PNLIPRP3: variants seen among roughly 807,000 people sequenced by gnomAD.
The protein encoded by PNLIPRP3 is pancreatic lipase-related protein 3.
PNLIPRP3 carries 58 observed loss-of-function variants against 52.8 expected under a neutral mutation model. That is an observed-to-expected ratio of 1.10 (90% CI 0.89 to 1.37). The LOEUF is 1.37. Among genes scored for constraint, PNLIPRP3 ranks in the 40% most tolerant of loss-of-function variants. The probability of loss-of-function intolerance (pLI) is 0.00; values close to 1 mark genes in which losing one functional copy is unlikely to be tolerated. For missense variants in PNLIPRP3, 593 were observed against 561.6 expected (o/e 1.06, Z -0.57); for synonymous variants, 192 against 185.0 (o/e 1.04, Z -0.31).
chr10:116,429,205 A>G (rs1845676433), intron 1 of PNLIPRP3, among the ~76,000 whole-genome samples: 1 of 152,196 alleles, frequency 6.6e-6, no homozygotes, highest in South Asian at 2.1e-4. Flanking sequence ...AATTATTAAA[A>G]TACTGTATAA....
chr10:116,472,654 G>C (rs556346495), intron 10 of PNLIPRP3, among the ~76,000 whole-genome samples: 3 of 152,300 alleles, frequency 2.0e-5, no homozygotes, highest in Non-Finnish European at 4.4e-5. Context: ...AGTTTCTGCA[G>C]GTCATCTTGC....
At chr10:116,459,969 T>C (rs902511569) in intron 5 of PNLIPRP3, among the ~76,000 whole-genome samples, 1 of 152,150 alleles carries the variant, frequency 6.6e-6, no homozygotes, top group Non-Finnish European at 1.5e-5. Flanking sequence ...GGTTTCACCA[T>C]CTTGGCCTGG....
At chr10:116,457,267 G>A (rs906748218) in intron 5 of PNLIPRP3, among the ~76,000 whole-genome samples, 2 of 152,080 alleles carry the variant, frequency 1.3e-5, no homozygotes, top group African/African-American at 2.4e-5. Flanking sequence ...TTAACAGAAA[G>A]CCTCCTTACT....
At chr10:116,434,948 A>G (rs2133110768) in intron 1 of PNLIPRP3, among the ~76,000 whole-genome samples, 2 of 152,346 alleles carry the variant, frequency 1.3e-5, no homozygotes, top group Admixed American at 1.3e-4. Flanking sequence ...AGGAAAACAC[A>G]AACAGTACAA....
intron 1 of PNLIPRP3, among the ~76,000 whole-genome samples, chr10:116,431,694 C>G (rs1291912807): frequency 6.6e-6 from 1 of 152,080 alleles, no homozygotes; most frequent in African/African-American, 2.4e-5. Flanking sequence ...AATGAACAAG[C>G]CCAAAAGCAA....
intron 10 of PNLIPRP3, among the ~76,000 whole-genome samples, chr10:116,472,938 A>C (rs969785273): frequency 6.6e-6 from 1 of 152,184 alleles, no homozygotes; most frequent in Admixed American, 6.5e-5. Flanking sequence ...GGCTCCATCA[A>C]GCCTCCCTCT....
rs1486406334 is a variant in PNLIPRP3 at position 116,477,877 on chromosome 10, T to C, written c.*724T>C. Reference sequence around the variant, plus strand: ...TTGAATGCTCTATGGTGAATTTGTATTTAGCCTCAAGGCAGCATTTCATTT... The same window carrying C: ...TTGAATGCTCTATGGTGAATTTGTACTTAGCCTCAAGGCAGCATTTCATTT... On this transcript the variant is annotated 3_prime_UTR_variant, in exon 12 of 12. Coordinates refer to ENST00000369230, the MANE Select transcript of PNLIPRP3 (RefSeq NM_001011709.3). The C allele has an allele frequency of 6.6e-6, 1 of 152,206 alleles. No homozygotes were observed. The highest frequency in any genetic ancestry group is 1.5e-5 in the Non-Finnish European group (1 of 68,048). The allele number at this position is 152,206 out of a possible 1,614,324, so 9.4% of individuals were successfully genotyped here. A position where few individuals can be genotyped will look rare whatever the true frequency, so the allele number is the denominator to read the frequency against.
rs1282281600 is a variant in PNLIPRP3 at position 116,465,191 on chromosome 10, G to T, written c.809-859G>T. Among the ~76,000 whole-genome samples, 40 of 152,170 alleles carry T rather than the reference G, an allele frequency of 2.6e-4. 1 individual carries two copies. Among genetic ancestry groups the T allele is most frequent in the Admixed American group, 2.6e-3 (40 of 15,282 alleles). On this transcript the variant is annotated intron_variant, in intron 7 of 11. Coordinates refer to ENST00000369230, the MANE Select transcript of PNLIPRP3 (RefSeq NM_001011709.3). ...TCTGGGCTTTTTATAGGCTCAGAAT[G>T]AGGGAGGTGTTGGCTGTAGGTAGCC... is the stretch of plus-strand genomic sequence containing the variant.
intron 9 of PNLIPRP3, 68 bp from the exon 10 acceptor site, chr10:116,471,700 A>G: frequency 8.5e-7 from 1 of 1,176,544 alleles, no homozygotes; most frequent in South Asian, 1.2e-5. Flanking sequence ...TAAAGGATCC[A>G]GGAAGTCATA....
intron 10 of PNLIPRP3, among the ~76,000 whole-genome samples, chr10:116,475,521 T>C (rs1414527236): frequency 1.3e-5 from 2 of 152,222 alleles, no homozygotes; most frequent in Non-Finnish European, 2.9e-5. Flanking sequence ...AAGATAGTTC[T>C]TGGAATAACA....
intron 4 of PNLIPRP3, among the ~76,000 whole-genome samples, chr10:116,446,670 A>G (rs1400626330): frequency 6.6e-6 from 1 of 152,220 alleles, no homozygotes; most frequent in Non-Finnish European, 1.5e-5. Context: ...TCTTTCTCTG[A>G]CAAGCACACT....
At chr10:116,472,955 A>G (rs1277881425) in intron 10 of PNLIPRP3, among the ~76,000 whole-genome samples, 1 of 152,226 alleles carries the variant, frequency 6.6e-6, no homozygotes. Context: ...CTCTGAGAGC[A>G]GTTCAGCATA....
At chr10:116,436,384 A>G (rs896507515) in intron 1 of PNLIPRP3, among the ~76,000 whole-genome samples, 1 of 152,216 alleles carries the variant, frequency 6.6e-6, no homozygotes, top group Non-Finnish European at 1.5e-5. Context: ...TTGAAATTAT[A>G]AAACTCCTAT....
intron 4 of PNLIPRP3, 64 bp from the exon 5 acceptor site, chr10:116,455,656 TAA>T: frequency 8.5e-7 from 1 of 1,181,244 alleles, no homozygotes; most frequent in Non-Finnish European, 1.2e-6. Context: ...TTTCTATTTT[TAA>T]AGCATATTTA....
At chr10:116,459,317 G>A (rs1288292226) in intron 5 of PNLIPRP3, among the ~76,000 whole-genome samples, 1 of 150,672 alleles carries the variant, frequency 6.6e-6, no homozygotes, top group African/African-American at 2.4e-5. Flanking sequence ...GACAAGCTAA[G>A]TGTGCTGAGC....
chr10:116,468,769 C>T (rs1426931100), intron 8 of PNLIPRP3, among the ~76,000 whole-genome samples: 5 of 152,204 alleles, frequency 3.3e-5, no homozygotes, highest in Non-Finnish European at 7.4e-5. Context: ...AAGAACAATA[C>T]AACTTTCCAT....
At chr10:116,460,189 G>A (rs538692746) in intron 5 of PNLIPRP3, among the ~76,000 whole-genome samples, 2 of 152,308 alleles carry the variant, frequency 1.3e-5, no homozygotes, top group South Asian at 4.1e-4. Flanking sequence ...TGACTGGGGT[G>A]CCTTTCCCAT....
At chr10:116,450,589 G>T (rs911598812) in intron 4 of PNLIPRP3, among the ~76,000 whole-genome samples, 1 of 151,822 alleles carries the variant, frequency 6.6e-6, no homozygotes. Context: ...AACTTGAGAA[G>T]ACTAACATTT....
intron 4 of PNLIPRP3, among the ~76,000 whole-genome samples, chr10:116,448,782 G>A (rs919308790): frequency 3.3e-5 from 5 of 152,046 alleles, no homozygotes; most frequent in Admixed American, 1.3e-4. Flanking sequence ...TTGTGAGACC[G>A]AGGCAGGCGG....
Sources: gnomAD v4.1 joint callset for allele counts (sites outside exome capture counted in the v4.1 genomes callset) on GRCh38, gnomAD v4.1.1 for gene constraint, MANE v1.5 for transcripts, NCBI Gene and HGNC (gene_info 2026-07-23, HGNC 2026-07-21) for gene names.